The following CCSER1 variants were observed in gnomAD, a reference collection of about 807,000 sequenced individuals.
CCSER1 encodes the protein serine-rich coiled-coil domain-containing protein 1.
CCSER1 carries 41 observed loss-of-function variants against 82.0 expected under a neutral mutation model. The observed-to-expected ratio is 0.50, with a 90% CI of 0.39 to 0.65. The LOEUF (loss-of-function observed/expected upper bound fraction) is 0.65, where lower values mean the gene tolerates loss of function less well. Ranked by LOEUF, CCSER1 falls within the 30% of genes least tolerant of loss-of-function variation. CCSER1 has a pLI of 0.00. For synonymous variants in CCSER1, 414 were observed against 383.9 expected (o/e 1.08, Z -0.92); for missense variants, 1,119 against 1,064.2 (o/e 1.05, Z -0.72).
Position 91,269,495 on chromosome 4 carries a change from A to T in CCSER1, c.2217+183501A>T, listed in dbSNP as rs546145525. The stretch of plus-strand genomic sequence containing the variant: ...AAGCTTAAATAGAAATTCCACCAAA[A>T]TGCATTAAAGAATATGAGAATACTT... On this transcript the variant is annotated intron_variant, in intron 10 of 10. Transcript: ENST00000509176. Among the ~76,000 whole-genome samples the T allele has an allele frequency of 5.3e-5, 8 of 152,302 alleles. No homozygotes were observed. In the South Asian group the frequency reaches 1.5e-3, roughly 28 times the overall value.
chr4:91,360,549 A>T (rs1749178209), intron 10 of CCSER1, among the ~76,000 whole-genome samples: 1 of 151,790 alleles, frequency 6.6e-6, no homozygotes. Flanking sequence ...TCCTAGTAAG[A>T]GACCCATCTC....
At chr4:91,304,161 A>G (rs1348868477) in intron 10 of CCSER1, among the ~76,000 whole-genome samples, 1 of 152,006 alleles carries the variant, frequency 6.6e-6, no homozygotes, top group Non-Finnish European at 1.5e-5. Context: ...TTAATGTTCT[A>G]AAAAACTTTT....
intron 9 of CCSER1, among the ~76,000 whole-genome samples, chr4:91,024,062 T>C (rs935231592): frequency 6.6e-6 from 1 of 152,138 alleles, no homozygotes; most frequent in African/African-American, 2.4e-5. Context: ...AGTGCTAACA[T>C]GCTAGCTCAG....
chr4:91,475,710 C>G (rs1757554090), intron 10 of CCSER1, among the ~76,000 whole-genome samples: 3 of 151,770 alleles, frequency 2.0e-5, no homozygotes, highest in Non-Finnish European at 3.0e-5. Flanking sequence ...TTCTTGTTAT[C>G]TGTAATCATC....
At chr4:91,547,420 T>A (rs1761946037) in intron 10 of CCSER1, among the ~76,000 whole-genome samples, 1 of 152,194 alleles carries the variant, frequency 6.6e-6, no homozygotes. Context: ...TACATTTTCT[T>A]GGAGAATTGG....
chr4:90,326,168 C>T (rs998408795), intron 3 of CCSER1, among the ~76,000 whole-genome samples: 11 of 150,276 alleles, frequency 7.3e-5, no homozygotes, highest in Admixed American at 2.7e-4. Flanking sequence ...AGGCCATTCT[C>T]CTGCCTCAGC....
At chr4:90,704,431 T>C (rs1451614764) in intron 6 of CCSER1, among the ~76,000 whole-genome samples, 1 of 152,198 alleles carries the variant, frequency 6.6e-6, no homozygotes, top group Admixed American at 6.5e-5. Context: ...TCAACTTTGG[T>C]GAATCTGACA....
chr4:90,981,702 C>T (rs561884758), intron 9 of CCSER1, among the ~76,000 whole-genome samples: 1 of 151,698 alleles, frequency 6.6e-6, no homozygotes, highest in Non-Finnish European at 1.5e-5. Flanking sequence ...TGATGGGGAA[C>T]CCAAGTTCAA....
At chr4:90,658,787 A>G (rs1730194121) in intron 6 of CCSER1, among the ~76,000 whole-genome samples, 1 of 152,210 alleles carries the variant, frequency 6.6e-6, no homozygotes, top group South Asian at 2.1e-4. Context: ...TTCACAATGG[A>G]TGTTTTCTTT....
At chr4:90,317,968 G>T (rs1042779132) in intron 3 of CCSER1, among the ~76,000 whole-genome samples, 1 of 152,174 alleles carries the variant, frequency 6.6e-6, no homozygotes, top group Non-Finnish European at 1.5e-5. Context: ...TGTATCTAGA[G>T]GCGGAGACTT....
In CCSER1 at chr4:90,988,334, CAAAAAAAAAA is replaced by C. The variant is rs60408059; in HGVS notation, c.2172+64907_2172+64916del. Among the ~76,000 whole-genome samples, 13 of 75,384 alleles carry C rather than the reference CAAAAAAAAAA, an allele frequency of 1.7e-4. 1 individual carries two copies. The highest frequency in any genetic ancestry group is 0.018 in the Middle Eastern group (2 of 110). 49.5% of individuals were successfully genotyped at this position (75,384 alleles called of 152,430 possible). Reference sequence around the variant, plus strand: ...TGGGAGACAGAGTGATATCTTGTCTCAAAAAAAAAAAAAAAAAAAAAAAAAAAAAGAAAGA... The same window carrying C: ...TGGGAGACAGAGTGATATCTTGTCTCAAAAAAAAAAAAAAAAAAAGAAAGA... On this transcript the variant is annotated intron_variant, in intron 9 of 10. Transcript: ENST00000509176.
intron 10 of CCSER1, among the ~76,000 whole-genome samples, chr4:91,350,388 C>T (rs2149299099): frequency 6.6e-6 from 1 of 152,100 alleles, no homozygotes; most frequent in Non-Finnish European, 1.5e-5. Flanking sequence ...AAAAATAGAG[C>T]TCATTTAAAT....
At chr4:90,323,136 C>T (rs1737479741) in intron 3 of CCSER1, among the ~76,000 whole-genome samples, 1 of 152,162 alleles carries the variant, frequency 6.6e-6, no homozygotes, top group Non-Finnish European at 1.5e-5. Context: ...TTACCAGTTG[C>T]AAGACAAAAT....
intron 8 of CCSER1, among the ~76,000 whole-genome samples, chr4:90,892,814 G>A (rs62312268): frequency 0.051 from 7,683 of 151,698 alleles, 260 homozygotes; most frequent in Admixed American, 0.095. Flanking sequence ...CATTTATTTC[G>A]CCTTGTGTTC....
At chr4:90,912,365 A>G (rs994390270) in intron 8 of CCSER1, among the ~76,000 whole-genome samples, 3 of 152,216 alleles carry the variant, frequency 2.0e-5, no homozygotes, top group African/African-American at 7.2e-5. Flanking sequence ...CACTGCTGAT[A>G]CCAAGGCAAA....
At chr4:91,164,482 G>T (rs1464143025) in intron 10 of CCSER1, among the ~76,000 whole-genome samples, 1 of 152,142 alleles carries the variant, frequency 6.6e-6, no homozygotes, top group Admixed American at 6.5e-5. Context: ...GGCCTACCTT[G>T]CTAGGTTGGG....
At position 90,932,912 on chromosome 4, in the gene CCSER1, A is replaced by AAGAG. The variant is rs1491387641; in HGVS notation, c.2172+9468_2172+9469insGAGA. 1.8e-4 allele frequency among the ~76,000 whole-genome samples: 2 copies of AAGAG among 11,270 alleles called. 1 individual carries two copies. The highest frequency in any genetic ancestry group is 1.8e-3 in the African/African-American group (2 of 1,108). 7.4% of individuals were successfully genotyped at this position (11,270 alleles called of 152,430 possible). ...AAAGAAGGAAGGAGAAAGAAGGAGA[A>AAGAG]AGAAAGAAAGAAAGAAAGAAAGAAA... On this transcript the variant is annotated intron_variant, in intron 9 of 10. Coordinates refer to ENST00000509176, the MANE Select transcript of CCSER1 (RefSeq NM_001145065.2).
At chr4:90,609,920 C>T (rs1419145613) in intron 5 of CCSER1, among the ~76,000 whole-genome samples, 1 of 152,054 alleles carries the variant, frequency 6.6e-6, no homozygotes, top group Non-Finnish European at 1.5e-5. Flanking sequence ...ATTTGGATTA[C>T]AGAAGAAAAA....
At chr4:91,305,799 A>T (rs1023053902) in intron 10 of CCSER1, among the ~76,000 whole-genome samples, 20 of 152,138 alleles carry the variant, frequency 1.3e-4, no homozygotes, top group African/African-American at 4.6e-4. Flanking sequence ...CCTCACAATC[A>T]TGGCAGAAGG....
Sources: allele counts gnomAD v4.1 joint callset (sites outside exome capture counted in the v4.1 genomes callset), GRCh38; gene constraint gnomAD v4.1.1; transcripts MANE v1.5; gene names NCBI Gene and HGNC (gene_info 2026-07-23, HGNC 2026-07-21).